Variants in WDR25 observed in about 807,000 individuals in gnomAD.
The protein encoded by WDR25 is WD repeat domain 25.
In WDR25, 35 loss-of-function variants were observed where a neutral mutation model predicts 47.7. That is an observed-to-expected ratio of 0.73 (90% CI 0.56 to 0.97). The LOEUF is 0.97. WDR25 is among the 50% of genes least tolerant of loss of function. The pLI is 0.00. For missense variants in WDR25, 634 were observed against 704.7 expected (o/e 0.90, Z 1.14); for synonymous variants, 248 against 278.9 (o/e 0.89, Z 1.10).
chr14:100,383,784 G>C (rs772682226), intron 2 of WDR25, among the ~76,000 whole-genome samples: 1 of 152,256 alleles, frequency 6.6e-6, no homozygotes, highest in Non-Finnish European at 1.5e-5. Context: ...GTGCCACTGG[G>C]GACGTGGGGG....
At chr14:100,507,665 T>TA (rs1349499321) in intron 4 of WDR25, among the ~76,000 whole-genome samples, 1 of 151,782 alleles carries the variant, frequency 6.6e-6, no homozygotes, top group Non-Finnish European at 1.5e-5. Flanking sequence ...TTTTTTTTTT[T>TA]TATGGCTGTT....
chr14:100,483,296 A>T (rs574729544), intron 3 of WDR25, among the ~76,000 whole-genome samples: 1 of 152,346 alleles, frequency 6.6e-6, no homozygotes, highest in African/African-American at 2.4e-5. Flanking sequence ...GTACATACAC[A>T]GACACTTACC....
chr14:100,417,964 C>T (rs146975653), intron 2 of WDR25, among the ~76,000 whole-genome samples: 3,577 of 149,194 alleles, frequency 0.024, 156 homozygotes, highest in African/African-American at 0.085. Context: ...TTTTTTGAGA[C>T]GGAGGCTCGC....
intron 2 of WDR25, among the ~76,000 whole-genome samples, chr14:100,426,804 GAAAC>G (rs1898182547): frequency 6.6e-6 from 1 of 152,162 alleles, no homozygotes; most frequent in Admixed American, 6.5e-5. Flanking sequence ...CGGGCACAGA[GAAAC>G]AAAAGATACG....
chr14:100,444,923 G>A (rs1202573790), intron 2 of WDR25, among the ~76,000 whole-genome samples: 1 of 152,206 alleles, frequency 6.6e-6, no homozygotes, highest in Non-Finnish European at 1.5e-5. Flanking sequence ...ACTCTGGAAA[G>A]TGGGAAGATT....
intron 2 of WDR25, among the ~76,000 whole-genome samples, chr14:100,413,903 G>A (rs938533658): frequency 6.6e-6 from 1 of 152,054 alleles, no homozygotes; most frequent in South Asian, 2.1e-4. Flanking sequence ...TTGCTGAGTA[G>A]TATTCCATTG....
intron 2 of WDR25, among the ~76,000 whole-genome samples, chr14:100,399,610 G>A (rs766791111): frequency 6.6e-5 from 10 of 152,096 alleles, no homozygotes; most frequent in Non-Finnish European, 1.2e-4. Context: ...CTGTTGCCAC[G>A]GAAACAGAAG....
chr14:100,526,272 T>A (rs1257430275), intron 5 of WDR25, among the ~76,000 whole-genome samples: 1 of 152,084 alleles, frequency 6.6e-6, no homozygotes, highest in Non-Finnish European at 1.5e-5. Context: ...CCCCACAGGG[T>A]AAGGGTCTGG....
In WDR25 at chr14:100,506,357, A is replaced by C. The variant is rs1901110467; in HGVS notation, c.1102-19513A>C. Among the ~76,000 whole-genome samples the C allele has an allele frequency of 6.6e-6, 1 of 152,142 alleles. No homozygotes were observed. The highest frequency in any genetic ancestry group is 2.4e-5 in the African/African-American group (1 of 41,418). On this transcript the variant is annotated intron_variant, in intron 4 of 6. Transcript: ENST00000402312. This position sits in a 1 kb window ranked among gnomAD's most constrained non-coding sequence, Gnocchi z 4.8. The stretch of plus-strand genomic sequence containing the variant: ...TGATTCCATGTCTTTGCTATTGTGA[A>C]TAGTGCTGTGATGAACACGTGAGTG...
chr14:100,418,856 C>T (rs1897949143), intron 2 of WDR25, among the ~76,000 whole-genome samples: 1 of 152,078 alleles, frequency 6.6e-6, no homozygotes, highest in Non-Finnish European at 1.5e-5. Flanking sequence ...GTGGTCCCTA[C>T]ACCCACAATT....
intron 1 of WDR25, among the ~76,000 whole-genome samples, chr14:100,379,401 T>C (rs1896816811): frequency 1.3e-5 from 2 of 150,876 alleles, no homozygotes; most frequent in South Asian, 4.2e-4. Flanking sequence ...TTTTTTTTTT[T>C]TTTTGAGATG....
At chr14:100,465,853 A>G (rs1469548600) in intron 2 of WDR25, among the ~76,000 whole-genome samples, 1 of 152,238 alleles carries the variant, frequency 6.6e-6, no homozygotes, top group Non-Finnish European at 1.5e-5. Flanking sequence ...GTTTTTCCAC[A>G]TCCTTGTCAA....
intron 2 of WDR25, among the ~76,000 whole-genome samples, chr14:100,419,806 C>T (rs924174676): frequency 1.3e-5 from 2 of 152,214 alleles, no homozygotes; most frequent in Non-Finnish European, 1.5e-5. Context: ...GTTCATGCCC[C>T]TGGCCCATGC....
intron 1 of WDR25, among the ~76,000 whole-genome samples, chr14:100,377,244 CATATT>C (rs1896719865): frequency 1.3e-5 from 2 of 152,154 alleles, no homozygotes; most frequent in Admixed American, 6.5e-5. Context: ...ATTAGTCTTT[CATATT>C]ATATTAGTTC....
chr14:100,496,001 T>A (rs1900717141), intron 4 of WDR25, among the ~76,000 whole-genome samples: 1 of 152,266 alleles, frequency 6.6e-6, no homozygotes, highest in Admixed American at 6.5e-5. Context: ...TAGCTGTTTT[T>A]ATGTGTAATC....
At position 100,488,026 on chromosome 14, in the gene WDR25, G is replaced by A. The variant is rs747289268; in HGVS notation, c.1101+3902G>A. On this transcript the variant is annotated intron_variant, in intron 4 of 6. Coordinates refer to ENST00000402312, the MANE Select transcript of WDR25 (RefSeq NM_001161476.3). The surrounding 1 kb of genome is among the most constrained non-coding windows in gnomAD (Gnocchi z 4.2). ...CATGAGATTTTATGATTCCTTAAAC[G>A]TAGCCAAGTGCTAAGTGTCAAGATT... Among the ~76,000 whole-genome samples, 3 of 152,114 alleles carry A rather than the reference G, an allele frequency of 2.0e-5. No homozygotes were observed. The highest frequency in any genetic ancestry group is 2.9e-5 in the Non-Finnish European group (2 of 68,014).
rs145682894 is a variant in WDR25, at chr14:100,381,534, G to A, written c.610G>A (p.Ala204Thr). 863 of 1,614,038 alleles carry A rather than the reference G, an allele frequency of 5.3e-4. 4 individuals are homozygous for A. The African/African-American group carries it at 1.0e-2, about 19-fold the overall frequency. Residue 204 changes from alanine to threonine, a missense_variant, in exon 2 of 7, where the codon GCA becomes ACA. Transcript: ENST00000402312. ...AGACGTGGAGCCACAGGGGCCCCCT[G>A]CAGGGCGTGCCCCAGCCCCTCTCTA... ...GKDVEPQGPP[A>T]GRAPAPLYVG...
At chr14:100,460,777 A>C (rs1899385834) in intron 2 of WDR25, among the ~76,000 whole-genome samples, 1 of 152,226 alleles carries the variant, frequency 6.6e-6, no homozygotes, top group Non-Finnish European at 1.5e-5. Flanking sequence ...CTTCCCAGTG[A>C]GATCAGGAAT....
rs1381360684 is a variant in WDR25 at position 100,525,749 on chromosome 14, T to G, written c.1102-121T>G. ...GCTTGTGGGTGCTGCTCAGCCTGGG[T>G]GTGTGTGGCCCAGCATAAACTTCAC... is the stretch of plus-strand genomic sequence containing the variant. On this transcript the variant is annotated intron_variant, in intron 4 of 6. Transcript: ENST00000402312. The surrounding 1 kb of genome is among the most constrained non-coding windows in gnomAD (Gnocchi z 4.6). The G allele has an allele frequency of 8.9e-7, 1 of 1,126,526 alleles. No individual in the cohort carries two copies. The allele number at this position is 1,126,526 out of a possible 1,614,324, so 69.8% of individuals were successfully genotyped here.
Sources: allele counts gnomAD v4.1 joint callset (sites outside exome capture counted in the v4.1 genomes callset), GRCh38; gene constraint gnomAD v4.1.1; non-coding constraint Gnocchi (gnomAD v3.1); transcripts MANE v1.5; gene names NCBI Gene and HGNC (gene_info 2026-07-23, HGNC 2026-07-21).